Variants in BCL2 observed in about 807,000 individuals in gnomAD.
The protein encoded by BCL2 is apoptosis regulator Bcl-2.
Under a neutral mutation model 14.2 loss-of-function variants are expected in BCL2, and 1 was observed. The ratio of observed to expected loss-of-function variants is 0.07; its 90% confidence interval spans 0.02 to 0.33. The LOEUF (loss-of-function observed/expected upper bound fraction) is 0.33, where lower values mean the gene tolerates loss of function less well. Among genes scored for constraint, BCL2 ranks in the 10% least tolerant of loss-of-function variants. The pLI, the probability that BCL2 is intolerant of heterozygous loss-of-function variation, is 0.99. For synonymous variants in BCL2, 151 were observed against 137.2 expected, an observed-to-expected ratio of 1.10 and a Z score of -0.70; for missense variants, 247 against 305.9, an observed-to-expected ratio of 0.81 and a Z score of 1.44.
chr18:63,144,856 A>G (rs1346990015), intron 2 of BCL2, among the ~76,000 whole-genome samples: 1 of 152,204 alleles, frequency 6.6e-6, no homozygotes, highest in African/African-American at 2.4e-5. Context: ...CACCAGTCAC[A>G]GGACCTTCCC....
In BCL2 at chr18:63,299,815, CT is replaced by C. The variant is rs71162622; in HGVS notation, c.585+18266del. Among the ~76,000 whole-genome samples, 735 of 141,808 alleles carry C rather than the reference CT, an allele frequency of 5.2e-3. 2 individuals are homozygous for C. Among genetic ancestry groups the C allele is most frequent in the African/African-American group, 0.018 (690 of 38,122 alleles). 93.0% of individuals were successfully genotyped at this position (141,808 alleles called of 152,430 possible). A position where few individuals can be genotyped will look rare whatever the true frequency, so the allele number is the denominator to read the frequency against. ...TCTCTTGCTTTTTTTTTTTCTTTTT[CT>C]TTTTTTTTTTGAACAAACTCTTATG... is the stretch of plus-strand genomic sequence containing the variant. On this transcript the variant is annotated intron_variant, in intron 2 of 2. Transcript: ENST00000333681.
intron 2 of BCL2, among the ~76,000 whole-genome samples, chr18:63,188,055 G>A (rs138435063): frequency 1.1e-4 from 16 of 152,124 alleles, no homozygotes; most frequent in Non-Finnish European, 1.9e-4. Context: ...GTAAGTATAC[G>A]ATCAAAGTTA....
chr18:63,268,072 G>A (rs1326027383), intron 2 of BCL2, among the ~76,000 whole-genome samples: 2 of 152,160 alleles, frequency 1.3e-5, no homozygotes, highest in African/African-American at 4.8e-5. Context: ...ACGCATGGCG[G>A]AAGCCACTAG....
intron 2 of BCL2, among the ~76,000 whole-genome samples, chr18:63,223,653 G>GCGGCATCTTGCAGCCAGGA (rs533329174): frequency 9.1e-4 from 138 of 152,340 alleles, no homozygotes; most frequent in African/African-American, 3.3e-3. Context: ...GACAGGCAGG[G>GCGGCATCTTGCAGCCAGGA]CGGCATCTTG....
intron 2 of BCL2, among the ~76,000 whole-genome samples, chr18:63,193,117 C>T (rs1202827801): frequency 6.6e-6 from 1 of 152,158 alleles, no homozygotes; most frequent in Non-Finnish European, 1.5e-5. Flanking sequence ...TTACTGTGGT[C>T]ATCAAATTGC....
intron 2 of BCL2, among the ~76,000 whole-genome samples, chr18:63,259,567 G>A (rs1221068416): frequency 6.6e-6 from 1 of 152,232 alleles, no homozygotes; most frequent in Non-Finnish European, 1.5e-5. Flanking sequence ...CATTGCCCAA[G>A]GGGAAACCGT....
chr18:63,244,073 G>A (rs891951028), intron 2 of BCL2, among the ~76,000 whole-genome samples: 1 of 152,028 alleles, frequency 6.6e-6, no homozygotes, highest in African/African-American at 2.4e-5. Flanking sequence ...GTGAGACCTC[G>A]TCTCTATTAA....
At chr18:63,194,997 T>A (rs905088472) in intron 2 of BCL2, among the ~76,000 whole-genome samples, 4 of 152,200 alleles carry the variant, frequency 2.6e-5, no homozygotes, top group African/African-American at 9.7e-5. Flanking sequence ...TATTTTCCCA[T>A]GATAGTGCAG....
chr18:63,217,039 G>A (rs987455482), intron 2 of BCL2, among the ~76,000 whole-genome samples: 1 of 152,120 alleles, frequency 6.6e-6, no homozygotes, highest in African/African-American at 2.4e-5. Flanking sequence ...TCTCTGACTC[G>A]AGATGAGACG....
At chr18:63,220,672 A>G (rs1910365904) in intron 2 of BCL2, among the ~76,000 whole-genome samples, 1 of 152,226 alleles carries the variant, frequency 6.6e-6, no homozygotes. Flanking sequence ...ATTAAAGAGG[A>G]TCAGATGAAT....
At chr18:63,177,999 T>C (rs893957760) in intron 2 of BCL2, among the ~76,000 whole-genome samples, 1 of 152,126 alleles carries the variant, frequency 6.6e-6, no homozygotes, top group Non-Finnish European at 1.5e-5. Context: ...GTGCAGCCAC[T>C]TCCCTAAGCT....
intron 2 of BCL2, among the ~76,000 whole-genome samples, chr18:63,187,265 T>G (rs1231147107): frequency 6.6e-6 from 1 of 152,208 alleles, no homozygotes; most frequent in East Asian, 1.9e-4. Context: ...ATTTTAGGAA[T>G]GTTTTTGTAC....
chr18:63,304,417 A>T (rs141453475), intron 2 of BCL2, among the ~76,000 whole-genome samples: 1 of 152,222 alleles, frequency 6.6e-6, no homozygotes, highest in Admixed American at 6.5e-5. Flanking sequence ...AAAAACATGT[A>T]CCAAATATTT....
intron 2 of BCL2, among the ~76,000 whole-genome samples, chr18:63,255,564 T>C (rs1015562678): frequency 1.3e-5 from 2 of 152,198 alleles, no homozygotes; most frequent in Non-Finnish European, 2.9e-5. Context: ...TGCTGTTCAT[T>C]AGCCAGGATA....
At chr18:63,137,811 A>G (rs1480701287) in intron 2 of BCL2, among the ~76,000 whole-genome samples, 1 of 152,216 alleles carries the variant, frequency 6.6e-6, no homozygotes, top group Non-Finnish European at 1.5e-5. Flanking sequence ...AACTTTGACA[A>G]GTGCTGCCTA....
Position 63,319,301 on chromosome 18 carries a change from A to T in BCL2, c.-414T>A. ...GTTATAGCTGATTTGAAACTTCCCA[A>T]TGAATCAGGAGTCGCGGGGAGAGGG... On this transcript the variant is annotated 5_prime_UTR_variant, in exon 1 of 3. The change creates a new upstream start codon in the 5' untranslated region. Coordinates refer to ENST00000333681, the MANE Select transcript of BCL2 (RefSeq NM_000633.3). 4.4e-6 allele frequency: 1 copy of T among 228,616 alleles called. No individual in the cohort carries two copies. The allele number at this position is 228,616 out of a possible 1,614,324, so 14.2% of individuals were successfully genotyped here.
At chr18:63,277,859 G>A (rs1442050042) in intron 2 of BCL2, among the ~76,000 whole-genome samples, 2 of 152,210 alleles carry the variant, frequency 1.3e-5, no homozygotes, top group East Asian at 3.8e-4. Context: ...GACAGGCTCT[G>A]TGTGAGATAC....
At chr18:63,302,554 AT>A in intron 2 of BCL2, 1 of 985,292 alleles carries the variant, frequency 1.0e-6, no homozygotes, top group Non-Finnish European at 1.2e-6. Context: ...TTGAATTGAA[AT>A]TTTTTAATAT....
intron 2 of BCL2, among the ~76,000 whole-genome samples, chr18:63,243,225 G>A (rs1911059927): frequency 6.6e-6 from 1 of 152,186 alleles, no homozygotes; most frequent in Non-Finnish European, 1.5e-5. Flanking sequence ...CATGGATGGA[G>A]CTGGAGGCCA....
Sources: gnomAD v4.1 joint callset for allele counts (sites outside exome capture counted in the v4.1 genomes callset) on GRCh38, gnomAD v4.1.1 for gene constraint, MANE v1.5 for transcripts, NCBI Gene and HGNC (gene_info 2026-07-23, HGNC 2026-07-21) for gene names.